Variants in UTP20 observed in about 807,000 individuals in gnomAD.
UTP20 encodes UTP20 small subunit processome component.
Under a neutral mutation model 329.5 loss-of-function variants are expected in UTP20, and 164 were observed. The ratio of observed to expected loss-of-function variants is 0.50; its 90% CI spans 0.44 to 0.57. UTP20 has a LOEUF of 0.57. Among genes scored for constraint, UTP20 ranks in the 20% least tolerant of loss-of-function variants. The probability of loss-of-function intolerance (pLI) is 0.00; values close to 1 mark genes in which losing one functional copy is unlikely to be tolerated. For missense variants in UTP20, 3,055 were observed against 3,284.2 expected, an observed-to-expected ratio of 0.93 and a Z score of 1.71; for synonymous variants, 1,151 against 1,159.3, an observed-to-expected ratio of 0.99 and a Z score of 0.14.
intron 25 of UTP20, 59 bp downstream of exon 25, chr12:101,321,688 T>C: frequency 1.3e-6 from 2 of 1,571,834 alleles, no homozygotes; most frequent in South Asian, 2.3e-5. Context: ...CAATTGTGAG[T>C]ACAGTATTAT....
intron 54 of UTP20, 75 bp from the exon 55 acceptor site, chr12:101,374,733 C>A: frequency 1.3e-6 from 1 of 749,172 alleles, no homozygotes; most frequent in East Asian, 2.5e-5. Context: ...CAAAATAATG[C>A]CCACCTTTAT....
chr12:101,380,863 TAAA>T (rs35235306), intron 57 of UTP20, among the ~76,000 whole-genome samples: 9 of 115,134 alleles, frequency 7.8e-5, no homozygotes, highest in African/African-American at 9.8e-5. Flanking sequence ...GACTCTGTCT[TAAA>T]AAAAAAAAAA....
In UTP20 at chr12:101,369,825, G is replaced by A; in HGVS notation, c.6489G>A (p.Leu2163=). 1 of 1,614,098 alleles carries A rather than the reference G, an allele frequency of 6.2e-7. No individual in the cohort carries two copies. The highest frequency in any genetic ancestry group is 1.3e-5 in the African/African-American group (1 of 75,028). ...EQLTKHLFLL[L]KDYAKLGAAR... ...TGACAAAACACCTCTTCCTTCTGCTGAAGGACTATGCAAAGCTCGGGGCCG... is the reference window on the plus strand; with the variant it reads ...TGACAAAACACCTCTTCCTTCTGCTAAAGGACTATGCAAAGCTCGGGGCCG... Residue 2163 remains leucine, a synonymous_variant, in exon 49 of 62, where the codon CTG becomes CTA. Coordinates refer to ENST00000261637, the MANE Select transcript of UTP20 (RefSeq NM_014503.3).
chr12:101,342,946 C>T lies in UTP20; in HGVS notation c.4302C>T (p.Asn1434=), dbSNP rs762432636. The T allele has an allele frequency of 2.9e-5, 46 of 1,612,774 alleles. No homozygotes were observed. The highest frequency in any genetic ancestry group is 6.6e-5 in the South Asian group (6 of 90,474). ...LKYITDVVKL[N]AFDQRHLDDI... is the part of the protein sequence containing the mutation. ...TTCAATGGCATTTCTTATAGCTTAA[C>T]GCCTTCGATCAAAGACATCTTGATG... is the stretch of plus-strand genomic sequence containing the variant. The change falls in exon 35 of 62, where the codon AAC becomes AAT. Residue 1434 remains asparagine, a synonymous_variant. Transcript: ENST00000261637.
chr12:101,386,186 T>C lies in UTP20; in HGVS notation c.*63T>C, dbSNP rs4764794. 1,240,991 of 1,502,318 alleles carry C rather than the reference T, an allele frequency of 0.83. 514,335 individuals carry two copies. The highest frequency in any genetic ancestry group is 0.96 in the East Asian group (40,712 of 42,572). 93.1% of individuals were successfully genotyped at this position (1,502,318 alleles called of 1,614,324 possible). A position where few individuals can be genotyped will look rare whatever the true frequency, so the allele number is the denominator to read the frequency against. The stretch of plus-strand genomic sequence containing the variant: ...ATATTCTGCTAGTCTGAAATTACAG[T>C]AGGTTGTCTGGGGTAGGGGGGAGGC... On this transcript the variant is annotated 3_prime_UTR_variant, in exon 62 of 62. Transcript: ENST00000261637.
At chr12:101,304,840 C>T (rs1319833718) in intron 15 of UTP20, among the ~76,000 whole-genome samples, 1 of 152,176 alleles carries the variant, frequency 6.6e-6, no homozygotes, top group African/African-American at 2.4e-5. Context: ...TTCCTCGGGG[C>T]TCCGTATGAG....
At chr12:101,337,056 C>A (rs1868956931) in intron 29 of UTP20, among the ~76,000 whole-genome samples, 2 of 152,246 alleles carry the variant, frequency 1.3e-5, no homozygotes, top group African/African-American at 4.8e-5. Context: ...AACGTAGCTT[C>A]AAATCCTAGC....
intron 43 of UTP20, 38 bp downstream of exon 43, chr12:101,357,120 G>A (rs1477567941): frequency 1.3e-6 from 2 of 1,562,396 alleles, no homozygotes; most frequent in Admixed American, 1.9e-5. Context: ...AAGTTGTATT[G>A]GAGTTAAAAT....
In UTP20 at chr12:101,372,943, AT is replaced by A. The variant is rs1241537371; in HGVS notation, c.6860del (p.Phe2287SerfsTer6). On this transcript the variant is annotated frameshift_variant, in exon 52 of 62. Transcript: ENST00000261637. LOFTEE classifies it high-confidence loss of function. ...GTGACAAATTGAGACCAAACTTGGA[AT>A]TCATGCTCGCTCAACTGAAGTAAGC... is the stretch of plus-strand genomic sequence containing the variant. ...LGDKLRPNLE[F>X]MLAQLNYEHE... is the part of the protein sequence containing the mutation. 6.2e-6 allele frequency: 10 copies of A among 1,614,040 alleles called. No homozygotes were observed. Among genetic ancestry groups the A allele is most frequent in the Non-Finnish European group, 8.5e-6 (10 of 1,180,012 alleles).
chr12:101,335,905 T>C (rs765476241), intron 29 of UTP20, among the ~76,000 whole-genome samples: 10 of 152,230 alleles, frequency 6.6e-5, no homozygotes, highest in Non-Finnish European at 1.5e-4. Context: ...CGACACTTCA[T>C]AGGCTTACTT....
intron 32 of UTP20, 141 bp from the exon 33 acceptor site, chr12:101,342,305 T>C (rs1245450055): frequency 4.4e-6 from 3 of 680,514 alleles, no homozygotes; most frequent in Non-Finnish European, 4.4e-6. Context: ...TAAAAACTTT[T>C]AAAAGACGAT....
chr12:101,371,266 T>C (rs1202855958), intron 51 of UTP20, 98 bp downstream of exon 51: 1 of 875,752 alleles, frequency 1.1e-6, no homozygotes, highest in Non-Finnish European at 1.7e-6. Context: ...GACCACCTTG[T>C]GTCGTATTGT....
At chr12:101,291,540 CAA>C (rs34248827) in intron 8 of UTP20, 200 bp from the exon 9 acceptor site, 2,141 of 76,998 alleles carry the variant, frequency 0.028, 10 homozygotes, top group African/African-American at 0.055. Flanking sequence ...AACTCCATCT[CAA>C]AAAAAAAAAA....
chr12:101,282,248 C>A (rs1871824484), intron 2 of UTP20, among the ~76,000 whole-genome samples: 1 of 151,900 alleles, frequency 6.6e-6, no homozygotes, highest in African/African-American at 2.4e-5. Flanking sequence ...GTAAAGGGAA[C>A]CTAACCTACA....
rs541247354 is a variant in UTP20, at chr12:101,288,483, G to A, written c.516-477G>A. 8.5e-4 allele frequency among the ~76,000 whole-genome samples: 129 copies of A among 152,294 alleles called. 1 individual carries two copies. Among genetic ancestry groups the A allele is most frequent in the African/African-American group, 2.2e-3 (90 of 41,560 alleles). ...AGAGTTATTGTGCTGATTAAATGGC[G>A]TAACACAGAGTAAGTGCTTATACAG... On this transcript the variant is annotated intron_variant, in intron 5 of 61. Coordinates refer to ENST00000261637, the MANE Select transcript of UTP20 (RefSeq NM_014503.3).
intron 8 of UTP20, 110 bp from the exon 9 acceptor site, chr12:101,291,632 C>T (rs1439404825): frequency 1.2e-5 from 13 of 1,072,876 alleles, no homozygotes; most frequent in South Asian, 4.9e-5. Context: ...GTATCTTTTT[C>T]TTCCAAAGCA....
At chr12:101,315,816 A>G (rs565611023) in intron 21 of UTP20, among the ~76,000 whole-genome samples, 9 of 152,230 alleles carry the variant, frequency 5.9e-5, no homozygotes, top group African/African-American at 2.2e-4. Flanking sequence ...ATACCATGTT[A>G]ATTTTCCAAG....
In UTP20 at chr12:101,286,529, A is replaced by G. The variant is rs1224080674; in HGVS notation, c.515+20A>G. Reference sequence around the variant, plus strand: ...ATACAGGTAACCCCTTTCTCTCTCTAGTATGTTTTTTAATTGCCTGCTTCT... The same window carrying G: ...ATACAGGTAACCCCTTTCTCTCTCTGGTATGTTTTTTAATTGCCTGCTTCT... On this transcript the variant is annotated intron_variant, in intron 5 of 61. Transcript: ENST00000261637. 2.0e-6 allele frequency: 3 copies of G among 1,510,812 alleles called. No individual in the cohort carries two copies. The African/African-American group carries it at 4.2e-5, about 21-fold the overall frequency. 93.6% of individuals were successfully genotyped at this position (1,510,812 alleles called of 1,614,324 possible).
rs1353516040 is a variant in UTP20 at position 101,367,935 on chromosome 12, G to C, written c.6343G>C (p.Val2115Leu). 6.2e-7 allele frequency: 1 copy of C among 1,613,750 alleles called. No homozygotes were observed. Among genetic ancestry groups the C allele is most frequent in the South Asian group, 1.1e-5 (1 of 91,070 alleles). ...ECVLEMLDPF[V>L]SLLIDCLGSM... Reference sequence around the variant, plus strand: ...TGTCCTGGAAATGCTGGATCCTTTTGTGTCTCTCCTCATAGACTGCCTGGG... The same window carrying C: ...TGTCCTGGAAATGCTGGATCCTTTTCTGTCTCTCCTCATAGACTGCCTGGG... The change falls in exon 48 of 62, where the codon GTG becomes CTG. Residue 2115 changes from valine to leucine, a missense_variant. Coordinates refer to ENST00000261637, the MANE Select transcript of UTP20 (RefSeq NM_014503.3).
Sources: gnomAD v4.1 joint callset for allele counts (sites outside exome capture counted in the v4.1 genomes callset) on GRCh38, gnomAD v4.1.1 for gene constraint, MANE v1.5 for transcripts, NCBI Gene and HGNC (gene_info 2026-07-23, HGNC 2026-07-21) for gene names.